The following AMBRA1 variants were observed in gnomAD, a reference collection of about 807,000 sequenced individuals.
AMBRA1 encodes activating molecule in BECN1-regulated autophagy protein 1.
Under a neutral mutation model 125.4 loss-of-function variants are expected in AMBRA1, and 47 were observed. That is an observed-to-expected ratio of 0.37 (90% CI 0.30 to 0.48). The LOEUF (loss-of-function observed/expected upper bound fraction) is 0.48. Ranked by LOEUF, AMBRA1 falls within the 20% of genes least tolerant of loss-of-function variation. AMBRA1 has a pLI of 0.99. For missense variants in AMBRA1, 1,331 were observed against 1,693.4 expected (o/e 0.79, Z 3.76); for synonymous variants, 626 against 655.5 (o/e 0.95, Z 0.69).
Position 46,547,871 on chromosome 11 carries a change from ACT to A in AMBRA1, c.138_139del (p.Arg46SerfsTer6), listed in dbSNP as rs772701478. The A allele has an allele frequency of 6.3e-7, 1 of 1,596,766 alleles. No individual in the cohort carries two copies. Among genetic ancestry groups the A allele is most frequent in the Non-Finnish European group, 8.5e-7 (1 of 1,173,588 alleles). ...AGAGCGTGGACTATCCGGCAGTTCT[ACT>A]CTCTGGGAGACAAAAAAAAAAAAAA... On this transcript the variant is annotated frameshift_variant and splice_region_variant, in exon 3 of 18. Transcript: ENST00000683756. LOFTEE classifies it high-confidence loss of function.
At position 46,524,963 on chromosome 11, in the gene AMBRA1, T is replaced by C. The variant is rs374162754; in HGVS notation, c.2073-12150A>G. Reference sequence around the variant, plus strand: ...CCATCCAACCGGTGATTCAAACAAATACTGAGTGCCTTCTGTTAGTTATAT... The same window carrying C: ...CCATCCAACCGGTGATTCAAACAAACACTGAGTGCCTTCTGTTAGTTATAT... On this transcript the variant is annotated intron_variant, in intron 7 of 17. Coordinates refer to ENST00000683756, the MANE Select transcript of AMBRA1 (RefSeq NM_001387011.1). Among the ~76,000 whole-genome samples, 5 of 152,316 alleles carry C rather than the reference T, an allele frequency of 3.3e-5. No homozygotes were observed. In the East Asian group the frequency reaches 9.6e-4, roughly 29 times the overall value.
rs59904013 is a variant in AMBRA1, at chr11:46,527,477, C to CAAAAAAAAAAAAAAAAAAAAAAAAAAA, written c.2072+14441_2072+14467dup. ...CCTAGGTGACAAAGTGAGACTGTCT[C>CAAAAAAAAAAAAAAAAAAAAAAAAAAA]AAAAAAAAAAAAAAAAAAAAAAAAA... On this transcript the variant is annotated intron_variant, in intron 7 of 17. Transcript: ENST00000683756. Among the ~76,000 whole-genome samples, 7 of 25,938 alleles carry CAAAAAAAAAAAAAAAAAAAAAAAAAAA rather than the reference C, an allele frequency of 2.7e-4. 2 individuals carry two copies. The highest frequency in any genetic ancestry group is 3.9e-4 in the African/African-American group (2 of 5,090). The allele number at this position is 25,938 out of a possible 152,430, so 17.0% of individuals were successfully genotyped here.
chr11:46,486,230 G>C (rs769547130), intron 11 of AMBRA1, among the ~76,000 whole-genome samples: 36 of 152,120 alleles, frequency 2.4e-4, no homozygotes, highest in Non-Finnish European at 4.1e-4. Context: ...CCTGGCTACT[G>C]GGTACCAGAT....
chr11:46,541,799 A>G, intron 7 of AMBRA1, 146 bp downstream of exon 7: 1 of 1,125,242 alleles, frequency 8.9e-7, no homozygotes, highest in Non-Finnish European at 1.3e-6. Context: ...CCAGAGCAAG[A>G]TTTTCCAAGA....
At chr11:46,482,598 G>A (rs1443401130) in intron 11 of AMBRA1, among the ~76,000 whole-genome samples, 1 of 152,112 alleles carries the variant, frequency 6.6e-6, no homozygotes. Flanking sequence ...TCCCAATGGG[G>A]ACTTCTACCC....
rs760311996 is a variant in AMBRA1, at chr11:46,542,924, G to A, written c.1093C>T (p.Leu365=). The change falls in exon 7 of 18, where the codon CTG becomes TTG. Residue 365 remains leucine, a synonymous_variant. Coordinates refer to ENST00000683756, the MANE Select transcript of AMBRA1 (RefSeq NM_001387011.1). The surrounding 1 kb of genome is among the most constrained non-coding windows in gnomAD (Gnocchi z 5.9). ...GTACTGAAGGCAGACGGCCGGTTCA[G>A]GAGGCCCTGGTCCTGCTGCGTTGAC... is the stretch of plus-strand genomic sequence containing the variant. ...ASSTQQDQGL[L]NRPSAFSTVQ... is the part of the protein sequence containing the mutation. 9.3e-6 allele frequency: 15 copies of A among 1,611,030 alleles called. No homozygotes were observed. The highest frequency in any genetic ancestry group is 1.2e-5 in the Non-Finnish European group (14 of 1,180,000).
Position 46,433,624 on chromosome 11 carries a change from G to T in AMBRA1, c.2826C>A (p.Pro942=). 1 of 1,613,044 alleles carries T rather than the reference G, an allele frequency of 6.2e-7. No individual in the cohort carries two copies. Among genetic ancestry groups the T allele is most frequent in the Non-Finnish European group, 8.5e-7 (1 of 1,179,234 alleles). ...GGGACAGGCTCACCGAAATGGCATT[G>T]GGACCTGAGGGCCAACAAAACAGAG... ...GEMLYTKRFG[P]NAISVSLSPM... The change falls in exon 14 of 18, where the codon CCC becomes CCA. Residue 942 remains proline, a synonymous_variant. Transcript: ENST00000683756.
chr11:46,510,365 T>C (rs1398707013), intron 8 of AMBRA1, among the ~76,000 whole-genome samples: 2 of 152,240 alleles, frequency 1.3e-5, no homozygotes, highest in East Asian at 1.9e-4. Flanking sequence ...GTTCGTGCAC[T>C]GTTCTTATAT....
intron 1 of AMBRA1, among the ~76,000 whole-genome samples, chr11:46,562,308 C>T (rs1238600909): frequency 6.6e-6 from 1 of 152,172 alleles, no homozygotes; most frequent in Admixed American, 6.5e-5. Flanking sequence ...GGAAATAAGG[C>T]CAACATGGCT....
At chr11:46,552,556 G>A (rs560671982) in intron 1 of AMBRA1, among the ~76,000 whole-genome samples, 9 of 150,998 alleles carry the variant, frequency 6.0e-5, no homozygotes, top group African/African-American at 9.7e-5. Flanking sequence ...GTGATGGTAC[G>A]CGCCTGTAAT....
chr11:46,524,071 C>T (rs1451895488), intron 7 of AMBRA1, among the ~76,000 whole-genome samples: 1 of 152,106 alleles, frequency 6.6e-6, no homozygotes, highest in East Asian at 1.9e-4. Context: ...TTTCACTATG[C>T]TGGCCAGGCT....
At chr11:46,491,955 A>G (rs929607201) in intron 11 of AMBRA1, among the ~76,000 whole-genome samples, 1 of 152,250 alleles carries the variant, frequency 6.6e-6, no homozygotes, top group Non-Finnish European at 1.5e-5. Flanking sequence ...TGCCGGCAGT[A>G]GAGAAGCAGG....
intron 16 of AMBRA1, among the ~76,000 whole-genome samples, chr11:46,409,444 C>A (rs994401595): frequency 6.6e-6 from 1 of 152,114 alleles, no homozygotes; most frequent in Non-Finnish European, 1.5e-5. Context: ...GTGATCCGCC[C>A]GCCTCAGCCT....
chr11:46,447,954 C>A (rs1463001703), intron 11 of AMBRA1, among the ~76,000 whole-genome samples: 1 of 152,066 alleles, frequency 6.6e-6, no homozygotes, highest in Non-Finnish European at 1.5e-5. Flanking sequence ...AATAAATGGC[C>A]TTTAAAGTTA....
intron 4 of AMBRA1, 128 bp from the exon 5 acceptor site, chr11:46,545,904 T>C: frequency 1.3e-6 from 1 of 786,500 alleles, no homozygotes; most frequent in Non-Finnish European, 2.0e-6. Context: ...ACATCCTCTG[T>C]AAAAAGATGT....
chr11:46,427,801 G>A (rs1947223294), intron 14 of AMBRA1, among the ~76,000 whole-genome samples: 1 of 152,080 alleles, frequency 6.6e-6, no homozygotes, highest in Non-Finnish European at 1.5e-5. Context: ...CTGAGGTCAG[G>A]AGTTCGAGAC....
Position 46,547,303 on chromosome 11 carries a change from A to C in AMBRA1, c.195-7T>G, listed in dbSNP as rs753632827. On this transcript the variant is annotated splice_polypyrimidine_tract_variant and splice_region_variant and intron_variant, in intron 3 of 17. Transcript: ENST00000683756. ...GGTGGAGGCTAAGAGAGTCCTAGAA[A>C]ATCAAAGAGTAGAACTGAATTCAGA... 6.2e-7 allele frequency: 1 copy of C among 1,601,644 alleles called. No homozygotes were observed. Among genetic ancestry groups the C allele is most frequent in the Non-Finnish European group, 8.5e-7 (1 of 1,174,832 alleles).
rs543705689 is a variant in AMBRA1, at chr11:46,542,979, G to T, written c.1038C>A (p.Thr346=). Residue 346 remains threonine (T), a synonymous_variant, in exon 7 of 18, where the codon ACC becomes ACA. Transcript: ENST00000683756. The surrounding 1 kb of genome is among the most constrained non-coding windows in gnomAD (Gnocchi z 5.9). ...ATTPSFSFVQ[T]EPFHPPEQAS... is the part of the protein sequence containing the mutation. ...CCTGCTCCGGGGGATGGAAGGGCTC[G>T]GTCTGTACAAAAGAAAAGGAAGGGG... is the stretch of plus-strand genomic sequence containing the variant. The T allele has an allele frequency of 6.2e-6, 10 of 1,602,912 alleles. 1 individual carries two copies. In the South Asian group the frequency reaches 1.1e-4, roughly 18 times the overall value.
At chr11:46,421,565 C>T (rs1304957219) in intron 14 of AMBRA1, among the ~76,000 whole-genome samples, 2 of 152,174 alleles carry the variant, frequency 1.3e-5, no homozygotes, top group Non-Finnish European at 2.9e-5. Context: ...ATCCTGATTT[C>T]ACACATGCCT....
Sources: allele counts gnomAD v4.1 joint callset (sites outside exome capture counted in the v4.1 genomes callset), GRCh38; gene constraint gnomAD v4.1.1; non-coding constraint Gnocchi (gnomAD v3.1); transcripts MANE v1.5; gene names NCBI Gene and HGNC (gene_info 2026-07-23, HGNC 2026-07-21).